Variants in TRAPPC9 observed in about 807,000 individuals in gnomAD.
TRAPPC9 encodes the protein IKK2 binding protein.
TRAPPC9 carries 83 observed loss-of-function variants against 124.0 expected under a neutral mutation model. That is an observed-to-expected ratio of 0.67 (90% CI 0.56 to 0.80). The LOEUF is 0.80. TRAPPC9 is among the 30% of genes least tolerant of loss of function. TRAPPC9 has a pLI of 0.00. For missense variants in TRAPPC9, 1,302 were observed against 1,508.3 expected, an observed-to-expected ratio of 0.86 and a Z score of 2.27; for synonymous variants, 638 against 617.5, an observed-to-expected ratio of 1.03 and a Z score of -0.49.
At chr8:139,820,910 TAA>T (rs1347663253) in intron 21 of TRAPPC9, among the ~76,000 whole-genome samples, 2 of 152,212 alleles carry the variant, frequency 1.3e-5, no homozygotes, top group Admixed American at 6.5e-5. Context: ...TTAAAAATAA[TAA>T]GAGAGTATGT....
intron 10 of TRAPPC9, among the ~76,000 whole-genome samples, chr8:140,304,654 G>A (rs1468398511): frequency 1.3e-5 from 2 of 152,184 alleles, no homozygotes; most frequent in African/African-American, 4.8e-5. Context: ...ACCAGGTGCT[G>A]AGAGCATTAA....
chr8:140,402,386 A>G (rs1408119790), intron 6 of TRAPPC9, among the ~76,000 whole-genome samples: 1 of 145,678 alleles, frequency 6.9e-6, no homozygotes, highest in Non-Finnish European at 1.5e-5. Context: ...CAACAGAGCA[A>G]GACCCTGTCT....
chr8:139,924,034 G>A (rs1028730945), intron 19 of TRAPPC9, among the ~76,000 whole-genome samples: 1 of 152,186 alleles, frequency 6.6e-6, no homozygotes, highest in Non-Finnish European at 1.5e-5. Flanking sequence ...CGGGGAGGGG[G>A]CATGGCCAGG....
rs148045656 is a variant in TRAPPC9 at position 139,776,265 on chromosome 8, C to A, written c.3056-44063G>T. ...GCAGCCTCCCAGTCAGATGACTCAG[C>A]GCACAGATGAACTCAGCCACTCCAG... On this transcript the variant is annotated intron_variant, in intron 21 of 22. Transcript: ENST00000438773. The surrounding 1 kb of genome is among the most constrained non-coding windows in gnomAD (Gnocchi z 4.1). Among the ~76,000 whole-genome samples, 1 of 152,162 alleles carries A rather than the reference C, an allele frequency of 6.6e-6. No homozygotes were observed. Among genetic ancestry groups the A allele is most frequent in the African/African-American group, 2.4e-5 (1 of 41,446 alleles).
intron 21 of TRAPPC9, among the ~76,000 whole-genome samples, chr8:139,810,518 C>G (rs887563400): frequency 2.2e-4 from 34 of 152,176 alleles, no homozygotes. Flanking sequence ...CAGACCAGGG[C>G]TCCCCCATCC....
At chr8:140,060,659 C>G (rs1842555695) in intron 17 of TRAPPC9, among the ~76,000 whole-genome samples, 1 of 148,530 alleles carries the variant, frequency 6.7e-6, no homozygotes, top group Non-Finnish European at 1.5e-5. Context: ...ACCGAATTGG[C>G]TTCTCTGCCC....
At chr8:140,350,528 A>G (rs1411225413) in intron 9 of TRAPPC9, among the ~76,000 whole-genome samples, 1 of 152,202 alleles carries the variant, frequency 6.6e-6, no homozygotes, top group Non-Finnish European at 1.5e-5. Context: ...ACTGTGTTCC[A>G]GGCCGTCCCA....
At chr8:140,361,415 T>A (rs1437558256) in intron 8 of TRAPPC9, among the ~76,000 whole-genome samples, 3 of 152,162 alleles carry the variant, frequency 2.0e-5, no homozygotes, top group African/African-American at 7.2e-5. Context: ...AGGTGACATC[T>A]GGGGTGAACC....
At chr8:139,903,556 C>T (rs912493695) in intron 20 of TRAPPC9, among the ~76,000 whole-genome samples, 4 of 152,190 alleles carry the variant, frequency 2.6e-5, no homozygotes, top group Non-Finnish European at 5.9e-5. Context: ...TTGCCAGAAG[C>T]GTGTCCCTCC....
At chr8:140,001,124 T>C (rs1284595339) in intron 18 of TRAPPC9, among the ~76,000 whole-genome samples, 2 of 152,068 alleles carry the variant, frequency 1.3e-5, no homozygotes, top group African/African-American at 2.4e-5. Context: ...AAGCAAACTA[T>C]TGCAAGGACA....
At chr8:140,076,943 A>T (rs1587655785) in intron 17 of TRAPPC9, among the ~76,000 whole-genome samples, 1 of 152,360 alleles carries the variant, frequency 6.6e-6, no homozygotes, top group East Asian at 1.9e-4. Context: ...AGGCAGAAGG[A>T]TGGCTTAAGC....
At chr8:140,312,571 T>C (rs1423806598) in intron 9 of TRAPPC9, among the ~76,000 whole-genome samples, 1 of 152,126 alleles carries the variant, frequency 6.6e-6, no homozygotes, top group African/African-American at 2.4e-5. Flanking sequence ...CATTATCATA[T>C]AGCTGCACTG....
At position 140,347,590 on chromosome 8, in the gene TRAPPC9, C is replaced by T. The variant is rs546438072; in HGVS notation, c.1495+12460G>A. ...GCAAGTTTAGCAAGAATCCCCTACA[C>T]TTAATGTCTCTCCTCTTAGTAATTT... On this transcript the variant is annotated intron_variant, in intron 9 of 22. Coordinates refer to ENST00000438773, the MANE Select transcript of TRAPPC9 (RefSeq NM_001160372.4). Among the ~76,000 whole-genome samples the T allele has an allele frequency of 5.6e-4, 85 of 152,338 alleles. 1 individual carries two copies. The highest frequency in any genetic ancestry group is 1.0e-3 in the Non-Finnish European group (69 of 68,028).
chr8:140,264,099 T>C (rs1222658587), intron 15 of TRAPPC9, among the ~76,000 whole-genome samples: 9 of 152,170 alleles, frequency 5.9e-5, no homozygotes, highest in Admixed American at 5.9e-4. Context: ...AAGAATTATG[T>C]AAAAATAGCC....
chr8:140,279,360 G>A (rs1020424725), intron 14 of TRAPPC9, among the ~76,000 whole-genome samples: 3 of 152,090 alleles, frequency 2.0e-5, no homozygotes, highest in South Asian at 4.1e-4. Context: ...GTCGATAAAC[G>A]TTTGTGAGTA....
At chr8:140,312,378 T>C (rs1424717425) in intron 9 of TRAPPC9, among the ~76,000 whole-genome samples, 2 of 152,208 alleles carry the variant, frequency 1.3e-5, no homozygotes, top group Non-Finnish European at 2.9e-5. Flanking sequence ...CCTTGGTCTT[T>C]CCCTATCTAC....
intron 18 of TRAPPC9, among the ~76,000 whole-genome samples, chr8:140,023,495 AG>A (rs1357613027): frequency 2.0e-5 from 3 of 152,178 alleles, no homozygotes; most frequent in Non-Finnish European, 4.4e-5. Context: ...GATGGCTGGG[AG>A]CTCCACAAAG....
chr8:140,275,040 A>G (rs2065068932), intron 15 of TRAPPC9, among the ~76,000 whole-genome samples: 2 of 152,140 alleles, frequency 1.3e-5, no homozygotes, highest in South Asian at 2.1e-4. Context: ...CCTATACAAT[A>G]CATTCCCCTT....
At chr8:140,069,679 A>G (rs1329563785) in intron 17 of TRAPPC9, among the ~76,000 whole-genome samples, 1 of 152,174 alleles carries the variant, frequency 6.6e-6, no homozygotes, top group Non-Finnish European at 1.5e-5. Flanking sequence ...TAGAGGACCA[A>G]TCAGACACAG....
Sources: allele counts gnomAD v4.1 joint callset (sites outside exome capture counted in the v4.1 genomes callset), GRCh38; gene constraint gnomAD v4.1.1; non-coding constraint Gnocchi (gnomAD v3.1); transcripts MANE v1.5; gene names NCBI Gene and HGNC (gene_info 2026-07-23, HGNC 2026-07-21).